The following TEX264 variants were observed in gnomAD, a reference collection of about 807,000 sequenced individuals.
TEX264 encodes testis expressed 264, ER-phagy receptor.
In TEX264, 13 loss-of-function variants were observed where a neutral mutation model predicts 23.4. That is an observed-to-expected ratio of 0.56 (90% CI 0.36 to 0.88). The LOEUF (loss-of-function observed/expected upper bound fraction) is 0.88, where lower values mean the gene tolerates loss of function less well. TEX264 is among the 40% of genes least tolerant of loss of function. TEX264 has a pLI of 0.01. For missense variants in TEX264, 340 were observed against 406.8 expected (o/e 0.84, Z 1.41); for synonymous variants, 159 against 170.0 (o/e 0.94, Z 0.50).
chr3:51,679,485 G>A (rs1429917935), intron 2 of TEX264, among the ~76,000 whole-genome samples: 1 of 152,166 alleles, frequency 6.6e-6, no homozygotes, highest in Admixed American at 6.5e-5. Flanking sequence ...CCAATTTCCG[G>A]GACTCCTGGA....
rs1303186806 is a variant in TEX264, at chr3:51,703,501, T to TCTCC, written c.650-210_650-207dup. On this transcript the variant is annotated intron_variant, in intron 4 of 4. Transcript: ENST00000341333. This position sits in a 1 kb window ranked among gnomAD's most constrained non-coding sequence, Gnocchi z 4.8. ...TGCACAGCTGCCTCCTCCCACCCTC[T>TCTCC]CTCCCTCCCTCCCTCCTTCCCTCCC... is the stretch of plus-strand genomic sequence containing the variant. 7.4e-5 allele frequency among the ~76,000 whole-genome samples: 11 copies of TCTCC among 149,268 alleles called. No homozygotes were observed. The highest frequency in any genetic ancestry group is 1.5e-4 in the Non-Finnish European group (10 of 67,462).
chr3:51,673,821 C>T (rs1486641005), intron 1 of TEX264, among the ~76,000 whole-genome samples: 1 of 152,222 alleles, frequency 6.6e-6, no homozygotes, highest in Non-Finnish European at 1.5e-5. Flanking sequence ...CTCCCTCTGG[C>T]AGTCGTCCCT....
Position 51,699,550 on chromosome 3 carries a change from A to G in TEX264, c.625A>G (p.Ile209Val). 5 of 1,613,990 alleles carry G rather than the reference A, an allele frequency of 3.1e-6. No individual in the cohort carries two copies. The highest frequency in any genetic ancestry group is 2.2e-5 in the East Asian group (1 of 44,876). Residue 209 changes from isoleucine (I) to valine (V), a missense_variant, in exon 4 of 5, where the codon ATT (isoleucine) becomes GTT (valine). Physicochemically the swap from Ile to Val is conservative, Grantham distance 29 (BLOSUM62 3). Transcript: ENST00000341333. ...GAAATGGCGGGGGCTTGTGGAGGCCATTGACACCCAGGTGGATGGCACAGG... is the reference window on the plus strand; with the variant it reads ...GAAATGGCGGGGGCTTGTGGAGGCCGTTGACACCCAGGTGGATGGCACAGG... ...EWKWRGLVEAIDTQVDGTGAD... is the reference protein window; with the variant it reads ...EWKWRGLVEAVDTQVDGTGAD...
rs971767217 is a variant in TEX264, at chr3:51,703,520, CCCTCCCTCCCTT to C, written c.650-197_650-186del. ...ACCCTCTCTCCCTCCCTCCCTCCTT[CCCTCCCTCCCTT>C]CCTCCCAGCTCTTTCCCTCTGCCCT... On this transcript the variant is annotated intron_variant, in intron 4 of 4. Coordinates refer to ENST00000341333, the MANE Select transcript of TEX264 (RefSeq NM_015926.6). This position sits in a 1 kb window ranked among gnomAD's most constrained non-coding sequence, Gnocchi z 4.8. Among the ~76,000 whole-genome samples, 41 of 143,208 alleles carry C rather than the reference CCCTCCCTCCCTT, an allele frequency of 2.9e-4. 1 individual carries two copies. Among genetic ancestry groups the C allele is most frequent in the Admixed American group, 2.5e-3 (37 of 14,594 alleles). 94.0% of individuals were successfully genotyped at this position (143,208 alleles called of 152,430 possible).
At chr3:51,694,082 TCC>T in intron 3 of TEX264, among the ~76,000 whole-genome samples, 1 of 99,768 alleles carries the variant, frequency 1.0e-5, no homozygotes. Flanking sequence ...CTTCCTTCCG[TCC>T]GTCCTTCCTT....
chr3:51,699,341 A>G, intron 3 of TEX264, 65 bp from the exon 4 acceptor site: 6 of 1,550,366 alleles, frequency 3.9e-6, no homozygotes, highest in Non-Finnish European at 5.3e-6. Flanking sequence ...TCTGGGGGTC[A>G]CCCAGGGACA....
At chr3:51,687,370 A>C (rs1162851861) in intron 3 of TEX264, among the ~76,000 whole-genome samples, 1 of 152,180 alleles carries the variant, frequency 6.6e-6, no homozygotes, top group African/African-American at 2.4e-5. Flanking sequence ...CCTGCAGTGG[A>C]CAGGGGTGGC....
At chr3:51,701,155 G>A (rs1379362890) in intron 4 of TEX264, among the ~76,000 whole-genome samples, 1 of 152,184 alleles carries the variant, frequency 6.6e-6, no homozygotes, top group Non-Finnish European at 1.5e-5. Context: ...GGATTTGGGT[G>A]AAGGGGGTGG....
At chr3:51,700,942 G>T (rs1345869284) in intron 4 of TEX264, among the ~76,000 whole-genome samples, 7 of 152,186 alleles carry the variant, frequency 4.6e-5, no homozygotes, top group Non-Finnish European at 8.8e-5. Flanking sequence ...AGCAGTTGGT[G>T]GTGGGTGCAT....
chr3:51,680,235 A>G (rs1702378250), intron 2 of TEX264, among the ~76,000 whole-genome samples: 5 of 152,258 alleles, frequency 3.3e-5, no homozygotes, highest in South Asian at 4.1e-4. Flanking sequence ...CCCAATGACT[A>G]CATTTGGTCT....
rs377591386 is a variant in TEX264 at position 51,699,564 on chromosome 3, G to C, written c.639G>C (p.Val213=). The change falls in exon 4 of 5, where the codon GTG becomes GTC. Residue 213 remains valine, a synonymous_variant. Transcript: ENST00000341333. ...RGLVEAIDTQ[V]DGTGADTMSD... Reference sequence around the variant, plus strand: ...TTGTGGAGGCCATTGACACCCAGGTGGATGGCACAGGTACAGAAGGTGGGG... The same window carrying C: ...TTGTGGAGGCCATTGACACCCAGGTCGATGGCACAGGTACAGAAGGTGGGG... 1.4e-4 allele frequency: 228 copies of C among 1,613,848 alleles called. No homozygotes were observed. The highest frequency in any genetic ancestry group is 1.9e-4 in the Non-Finnish European group (219 of 1,179,884).
chr3:51,677,869 C>T (rs777453348), intron 2 of TEX264, among the ~76,000 whole-genome samples: 1 of 152,186 alleles, frequency 6.6e-6, no homozygotes, highest in Non-Finnish European at 1.5e-5. Flanking sequence ...GGATTCCATT[C>T]TCCATCCCTG....
chr3:51,675,720 T>C (rs906211397), intron 2 of TEX264, among the ~76,000 whole-genome samples: 2 of 152,196 alleles, frequency 1.3e-5, no homozygotes, highest in Non-Finnish European at 2.9e-5. Context: ...CAGCTGGGCC[T>C]TCTCATGTAA....
chr3:51,699,405 G>C lies in TEX264; in HGVS notation c.481-1G>C. 6.2e-7 allele frequency: 1 copy of C among 1,613,478 alleles called. No homozygotes were observed. The highest frequency in any genetic ancestry group is 8.5e-7 in the Non-Finnish European group (1 of 1,179,434). On this transcript the variant is annotated splice_acceptor_variant, in intron 3 of 4. Coordinates refer to ENST00000341333, the MANE Select transcript of TEX264 (RefSeq NM_015926.6). LOFTEE classifies it high-confidence loss of function. ...TCTACCTTTTGCCACTCTCTGACTAGGAGCGGAAGCTGTGTGCCTATCCTC... is the reference window on the plus strand; with the variant it reads ...TCTACCTTTTGCCACTCTCTGACTACGAGCGGAAGCTGTGTGCCTATCCTC...
chr3:51,700,329 A>G (rs1296260242), intron 4 of TEX264, among the ~76,000 whole-genome samples: 1 of 152,090 alleles, frequency 6.6e-6, no homozygotes, highest in East Asian at 1.9e-4. Context: ...GGGGAGAGGA[A>G]CTGTCCCTCC....
chr3:51,679,197 C>G (rs1702337140), intron 2 of TEX264, among the ~76,000 whole-genome samples: 1 of 152,180 alleles, frequency 6.6e-6, no homozygotes, highest in East Asian at 1.9e-4. Flanking sequence ...GAGTATGTCT[C>G]CTCATCTGTC....
At chr3:51,692,754 G>T (rs962069065) in intron 3 of TEX264, among the ~76,000 whole-genome samples, 3 of 152,236 alleles carry the variant, frequency 2.0e-5, no homozygotes, top group African/African-American at 7.2e-5. Flanking sequence ...AGCCTGCGAT[G>T]GTAGAGCCAT....
intron 3 of TEX264, among the ~76,000 whole-genome samples, chr3:51,694,129 T>C (rs1702963830): frequency 6.7e-6 from 1 of 148,520 alleles, no homozygotes; most frequent in South Asian, 2.2e-4. Context: ...CCTTCCTTCC[T>C]TCCTTCCTTC....
At chr3:51,683,884 T>G (rs946434082) in intron 2 of TEX264, 1 of 160,924 alleles carries the variant, frequency 6.2e-6, no homozygotes, top group African/African-American at 2.4e-5. Context: ...TTTGCTCCCT[T>G]GCCTGCCATA....
Sources: gnomAD v4.1 joint callset for allele counts (sites outside exome capture counted in the v4.1 genomes callset) on GRCh38, gnomAD v4.1.1 for gene constraint, Gnocchi (gnomAD v3.1) non-coding constraint, MANE v1.5 for transcripts, NCBI Gene and HGNC (gene_info 2026-07-23, HGNC 2026-07-21) for gene names.